The following FHIT variants were observed in gnomAD, a reference collection of about 807,000 sequenced individuals.
The protein encoded by FHIT is fragile histidine triad diadenosine triphosphatase.
Under a neutral mutation model 17.9 loss-of-function variants are expected in FHIT, and 19 were observed. The ratio of observed to expected loss-of-function variants is 1.06; its 90% CI spans 0.74 to 1.56. FHIT has a LOEUF of 1.56. FHIT is among the 40% of genes most tolerant of loss of function. FHIT has a pLI of 0.00. For missense variants in FHIT, 248 were observed against 189.2 expected (o/e 1.31, Z -1.82); for synonymous variants, 81 against 69.7 (o/e 1.16, Z -0.81).
intron 7 of FHIT, among the ~76,000 whole-genome samples, chr3:59,985,454 T>A (rs1401125283): frequency 6.6e-6 from 1 of 152,178 alleles, no homozygotes; most frequent in African/African-American, 2.4e-5. Flanking sequence ...TAAGGACCAG[T>A]TATCCCTATT....
At chr3:60,267,502 A>T (rs2107620591) in intron 5 of FHIT, among the ~76,000 whole-genome samples, 1 of 152,250 alleles carries the variant, frequency 6.6e-6, no homozygotes, top group Middle Eastern at 3.4e-3. Context: ...TAGGTAAAGT[A>T]TTTAACTTTG....
intron 5 of FHIT, among the ~76,000 whole-genome samples, chr3:60,219,880 A>G (rs1243969276): frequency 6.6e-6 from 1 of 152,136 alleles, no homozygotes; most frequent in Non-Finnish European, 1.5e-5. Flanking sequence ...TAAGATTCAG[A>G]CGCTACTCAA....
At chr3:61,103,563 A>C (rs1421977444) in intron 2 of FHIT, among the ~76,000 whole-genome samples, 2 of 152,188 alleles carry the variant, frequency 1.3e-5, no homozygotes, top group African/African-American at 4.8e-5. Context: ...GTAGATGTCT[A>C]TTAGGTCTGC....
intron 4 of FHIT, among the ~76,000 whole-genome samples, chr3:60,661,157 C>A (rs1453266634): frequency 6.6e-6 from 1 of 152,048 alleles, no homozygotes; most frequent in Non-Finnish European, 1.5e-5. Flanking sequence ...ACCCAATACC[C>A]AAACAGTATA....
At chr3:60,188,887 C>A (rs1281987362) in intron 5 of FHIT, among the ~76,000 whole-genome samples, 2 of 151,958 alleles carry the variant, frequency 1.3e-5, no homozygotes, top group Non-Finnish European at 2.9e-5. Context: ...TTTTTAGCCG[C>A]AGGGCACCCC....
At chr3:60,551,315 T>C (rs963571201) in intron 4 of FHIT, among the ~76,000 whole-genome samples, 3 of 149,538 alleles carry the variant, frequency 2.0e-5, no homozygotes, top group African/African-American at 7.4e-5. Context: ...CAAAAAAAGA[T>C]TTTACTATTG....
chr3:60,580,998 G>A (rs2107679546), intron 4 of FHIT, among the ~76,000 whole-genome samples: 1 of 152,212 alleles, frequency 6.6e-6, no homozygotes, highest in Admixed American at 6.6e-5. Flanking sequence ...CGGTGGCTGA[G>A]ATTGCATAGT....
At chr3:60,961,183 G>A (rs1277892186) in intron 3 of FHIT, among the ~76,000 whole-genome samples, 3 of 152,204 alleles carry the variant, frequency 2.0e-5, no homozygotes, top group Non-Finnish European at 2.9e-5. Flanking sequence ...CTGACGGCCA[G>A]TGATGATGAG....
At chr3:60,865,752 G>T (rs1309037542) in intron 3 of FHIT, among the ~76,000 whole-genome samples, 3 of 152,092 alleles carry the variant, frequency 2.0e-5, no homozygotes, top group Non-Finnish European at 4.4e-5. Flanking sequence ...TAAATGGGGG[G>T]CTGTGACAAG....
At chr3:61,197,378 T>A (rs766598160) in intron 2 of FHIT, among the ~76,000 whole-genome samples, 5 of 152,116 alleles carry the variant, frequency 3.3e-5, no homozygotes, top group South Asian at 2.1e-4. Context: ...CTAGAAGGAA[T>A]GTTTCCTAAT....
At chr3:60,158,924 T>C (rs1700821282) in intron 5 of FHIT, among the ~76,000 whole-genome samples, 1 of 152,142 alleles carries the variant, frequency 6.6e-6, no homozygotes, top group Admixed American at 6.5e-5. Flanking sequence ...GTGGTATGTG[T>C]TCTCCCTCAC....
At chr3:60,377,247 G>T (rs569566279) in intron 5 of FHIT, among the ~76,000 whole-genome samples, 28 of 150,668 alleles carry the variant, frequency 1.9e-4, no homozygotes, top group African/African-American at 6.9e-4. Flanking sequence ...GTCCCAGGCC[G>T]GAGTGCAGTG....
At chr3:60,086,857 C>A (rs1703515379) in intron 5 of FHIT, among the ~76,000 whole-genome samples, 1 of 152,184 alleles carries the variant, frequency 6.6e-6, no homozygotes, top group African/African-American at 2.4e-5. Flanking sequence ...TTACACACTG[C>A]TGCTGCTGCT....
At chr3:60,137,997 G>T (rs187583757) in intron 5 of FHIT, among the ~76,000 whole-genome samples, 1 of 152,250 alleles carries the variant, frequency 6.6e-6, no homozygotes, top group African/African-American at 2.4e-5. Context: ...CATGTGTGCA[G>T]GGCTATTCAA....
At chr3:60,023,508 G>C (rs563440399) in intron 5 of FHIT, among the ~76,000 whole-genome samples, 1 of 152,270 alleles carries the variant, frequency 6.6e-6, no homozygotes, top group Admixed American at 6.5e-5. Context: ...ATTTAGGTTT[G>C]CTTATGTCAT....
Position 59,807,884 on chromosome 3 carries a change from G to A in FHIT, c.349-55563C>T, listed in dbSNP as rs993919106. On this transcript the variant is annotated intron_variant, in intron 8 of 9. Transcript: ENST00000492590. ...TGGAGCAGGTAGATAACTAGTGGGT[G>A]GATCGGAAGAAAGCAATTTATATGT... 4.3e-4 allele frequency among the ~76,000 whole-genome samples: 65 copies of A among 152,256 alleles called. 1 individual carries two copies. Among genetic ancestry groups the A allele is most frequent in the African/African-American group, 1.5e-3 (63 of 41,556 alleles).
intron 5 of FHIT, among the ~76,000 whole-genome samples, chr3:60,051,087 T>G (rs1701857498): frequency 6.6e-6 from 1 of 151,918 alleles, no homozygotes; most frequent in African/African-American, 2.4e-5. Flanking sequence ...TCTGCTAAAG[T>G]AAGGAAGTAG....
intron 3 of FHIT, among the ~76,000 whole-genome samples, chr3:61,013,281 C>G (rs1370697380): frequency 6.6e-6 from 1 of 152,162 alleles, no homozygotes; most frequent in Non-Finnish European, 1.5e-5. Flanking sequence ...CTTTGATCCA[C>G]TCTCCCCTTA....
At chr3:60,963,472 C>T (rs1709562207) in intron 3 of FHIT, among the ~76,000 whole-genome samples, 1 of 152,248 alleles carries the variant, frequency 6.6e-6, no homozygotes, top group East Asian at 1.9e-4. Context: ...CTTCTGCTAG[C>T]CTTTGAATGT....
Sources: gnomAD v4.1 joint callset for allele counts (sites outside exome capture counted in the v4.1 genomes callset) on GRCh38, gnomAD v4.1.1 for gene constraint, MANE v1.5 for transcripts, NCBI Gene and HGNC (gene_info 2026-07-23, HGNC 2026-07-21) for gene names.